The following GALNT13 variants were observed in gnomAD, a reference collection of about 807,000 sequenced individuals.
GALNT13 encodes polypeptide N-acetylgalactosaminyltransferase 13, also known as UDP-GalNAc:polypeptide N-acetylgalactosaminyltransferase 13.
A neutral mutation model predicts 64.2 loss-of-function variants in GALNT13; 28 were observed. The observed-to-expected ratio is 0.44, with a 90% CI of 0.32 to 0.60. The LOEUF is 0.60. GALNT13 is among the 20% of genes least tolerant of loss of function. The probability of loss-of-function intolerance (pLI) is 0.05; values close to 1 mark genes in which losing one functional copy is unlikely to be tolerated. For synonymous variants in GALNT13, 214 were observed against 224.6 expected, an observed-to-expected ratio of 0.95 and a Z score of 0.42; for missense variants, 577 against 669.8, an observed-to-expected ratio of 0.86 and a Z score of 1.53.
At chr2:154,008,665 A>G (rs972295028) in intron 3 of GALNT13, among the ~76,000 whole-genome samples, 3 of 152,012 alleles carry the variant, frequency 2.0e-5, no homozygotes, top group Admixed American at 6.6e-5. Flanking sequence ...TCTCCCATTT[A>G]TAAGTGAGAA....
Position 154,350,080 on chromosome 2 carries a change from A to G in GALNT13, c.1157-45911A>G, listed in dbSNP as rs1320647816. Among the ~76,000 whole-genome samples the G allele has an allele frequency of 3.3e-5, 5 of 152,264 alleles. No individual in the cohort carries two copies. In the East Asian group the frequency reaches 7.7e-4, roughly 23 times the overall value. ...TTTATCAAAAATAGAACGTTAGTTC[A>G]GAGTGAGAATAGTAGTGTCTAGTTT... On this transcript the variant is annotated intron_variant, in intron 9 of 12. Transcript: ENST00000392825.
At chr2:153,982,027 C>A (rs567092183) in intron 3 of GALNT13, among the ~76,000 whole-genome samples, 1 of 152,124 alleles carries the variant, frequency 6.6e-6, no homozygotes, top group Non-Finnish European at 1.5e-5. Flanking sequence ...AAGAATGCCC[C>A]TCTGCTAGAA....
chr2:153,305,904 C>T, the GALNT13 span, among the ~76,000 whole-genome samples: 2 of 152,180 alleles, frequency 1.3e-5, no homozygotes, highest in African/African-American at 4.8e-5. Flanking sequence ...TTTGCTAAAG[C>T]ATCTTCACTG....
At chr2:153,873,673 T>G (rs879907290) in intron 1 of GALNT13, among the ~76,000 whole-genome samples, 11 of 152,158 alleles carry the variant, frequency 7.2e-5, no homozygotes, top group Non-Finnish European at 1.6e-4. Context: ...GTGGTCAGCC[T>G]TCCCTGAAAC....
chr2:153,421,054 T>C, the GALNT13 span: 1 of 206,348 alleles, frequency 4.8e-6, no homozygotes. Flanking sequence ...GGAACCACAT[T>C]ACCACGGTGT....
chr2:153,227,389 A>AT, the GALNT13 span, among the ~76,000 whole-genome samples: 2 of 152,076 alleles, frequency 1.3e-5, no homozygotes, highest in Admixed American at 6.5e-5. Flanking sequence ...GGGTGGGAGA[A>AT]TTTTTTAGGA....
chr2:153,173,767 A>G, the GALNT13 span, among the ~76,000 whole-genome samples: 5 of 152,266 alleles, frequency 3.3e-5, no homozygotes, highest in South Asian at 1.0e-3. Context: ...TCATCTAAAC[A>G]CTATCAAATC....
the GALNT13 span, among the ~76,000 whole-genome samples, chr2:153,564,171 T>C: frequency 1.3e-5 from 2 of 151,598 alleles, no homozygotes; most frequent in African/African-American, 4.9e-5. Context: ...CTAGATTTTT[T>C]TGCAGATGTC....
At chr2:153,557,724 T>C in the GALNT13 span, among the ~76,000 whole-genome samples, 1 of 152,234 alleles carries the variant, frequency 6.6e-6, no homozygotes, top group African/African-American at 2.4e-5. Flanking sequence ...ATTGCTCTTA[T>C]AATAAAATTT....
chr2:154,370,245 TCTAGA>T (rs1351234051), intron 9 of GALNT13, among the ~76,000 whole-genome samples: 2 of 152,098 alleles, frequency 1.3e-5, no homozygotes, highest in African/African-American at 4.8e-5. Context: ...TTGAAGGTCT[TCTAGA>T]CTAGTCTAAG....
intron 12 of GALNT13, 41 bp downstream of exon 12, chr2:154,438,767 G>A: frequency 6.8e-7 from 1 of 1,476,930 alleles, no homozygotes; most frequent in Non-Finnish European, 9.3e-7. Context: ...TGATGCTTAA[G>A]CTCAGTTATA....
chr2:154,396,441 T>C (rs1018104241), intron 10 of GALNT13, among the ~76,000 whole-genome samples: 8 of 152,196 alleles, frequency 5.3e-5, no homozygotes, highest in African/African-American at 1.9e-4. Flanking sequence ...CTGTTATTAA[T>C]ATTTACTGTA....
At chr2:153,187,041 A>G in the GALNT13 span, among the ~76,000 whole-genome samples, 3 of 152,260 alleles carry the variant, frequency 2.0e-5, no homozygotes, top group African/African-American at 7.2e-5. Context: ...TTAGTAGAAA[A>G]TATGAATGAT....
the GALNT13 span, among the ~76,000 whole-genome samples, chr2:153,584,040 T>C: frequency 6.6e-6 from 1 of 152,174 alleles, no homozygotes. Context: ...TTGGATGGGC[T>C]GTGACAGCTG....
intron 3 of GALNT13, among the ~76,000 whole-genome samples, chr2:153,982,591 A>G (rs983727106): frequency 6.6e-6 from 1 of 151,748 alleles, no homozygotes; most frequent in Non-Finnish European, 1.5e-5. Context: ...AGCTCTCACC[A>G]TTTTATAGGT....
the GALNT13 span, among the ~76,000 whole-genome samples, chr2:153,862,656 T>C: frequency 6.6e-6 from 1 of 152,076 alleles, no homozygotes; most frequent in African/African-American, 2.4e-5. Context: ...CTTATTTTAC[T>C]ATACCTTACA....
intron 3 of GALNT13, among the ~76,000 whole-genome samples, chr2:154,089,210 T>G (rs1235699856): frequency 1.3e-5 from 2 of 152,108 alleles, no homozygotes; most frequent in Non-Finnish European, 2.9e-5. Context: ...GCCTACTCCA[T>G]GGGCAAAATT....
the GALNT13 span, among the ~76,000 whole-genome samples, chr2:153,527,049 A>T: frequency 6.6e-6 from 1 of 152,182 alleles, no homozygotes; most frequent in Non-Finnish European, 1.5e-5. Flanking sequence ...GATCTAGAAA[A>T]TAGCTTCAAA....
At chr2:153,907,967 C>A (rs1322779214) in intron 2 of GALNT13, among the ~76,000 whole-genome samples, 1 of 152,002 alleles carries the variant, frequency 6.6e-6, no homozygotes, top group Non-Finnish European at 1.5e-5. Flanking sequence ...GTTTTTAACT[C>A]TTTGAGGAAT....
Sources: allele counts gnomAD v4.1 joint callset (sites outside exome capture counted in the v4.1 genomes callset), GRCh38; gene constraint gnomAD v4.1.1; transcripts MANE v1.5; gene names NCBI Gene and HGNC (gene_info 2026-07-23, HGNC 2026-07-21).